The following OSBP2 variants were observed in gnomAD, a reference collection of about 807,000 sequenced individuals.
OSBP2 encodes oxysterol-binding protein 2.
A neutral mutation model predicts 96.0 loss-of-function variants in OSBP2; 66 were observed. The ratio of observed to expected loss-of-function variants is 0.69; its 90% CI spans 0.56 to 0.84. The LOEUF is 0.84. Ranked by LOEUF, OSBP2 falls within the 40% of genes least tolerant of loss-of-function variation. OSBP2 has a pLI of 0.00. For missense variants in OSBP2, 1,038 were observed against 1,222.7 expected (o/e 0.85, Z 2.25); for synonymous variants, 525 against 520.9 (o/e 1.01, Z -0.11).
At position 30,726,963 on chromosome 22, in the gene OSBP2, T is replaced by C. The variant is rs1487684103; in HGVS notation, c.645-14198T>C. On this transcript the variant is annotated intron_variant, in intron 1 of 13. Transcript: ENST00000332585. ...AGTGGCACCATCTGACTAACTTTAA[T>C]GGCTTTTGAGAGTATAAGTGAACCT... Among the ~76,000 whole-genome samples the C allele has an allele frequency of 2.0e-5, 3 of 152,196 alleles. No homozygotes were observed. In the East Asian group the frequency reaches 5.8e-4, roughly 29 times the overall value.
rs548466221 is a variant in OSBP2, at chr22:30,751,354, TA to T, written c.853+9986del. On this transcript the variant is annotated intron_variant, in intron 2 of 13. Transcript: ENST00000332585. ...GTGTATATATATATGTATATATATATATTTTTTTCTTTTTTCTTGAGACGGA... is the reference window on the plus strand; with the variant it reads ...GTGTATATATATATGTATATATATATTTTTTTTCTTTTTTCTTGAGACGGA... 4.4e-4 allele frequency among the ~76,000 whole-genome samples: 67 copies of T among 151,666 alleles called. No individual in the cohort carries two copies. In the South Asian group the frequency reaches 0.012, roughly 27 times the overall value.
intron 1 of OSBP2, among the ~76,000 whole-genome samples, chr22:30,734,006 GCT>G (rs1448876635): frequency 1.3e-5 from 2 of 151,880 alleles, no homozygotes; most frequent in East Asian, 1.9e-4. Context: ...ACGGAGTTTA[GCT>G]CTGTCACCCA....
intron 7 of OSBP2, 96 bp downstream of exon 7, chr22:30,889,732 C>A: frequency 8.7e-7 from 1 of 1,148,662 alleles, no homozygotes; most frequent in Non-Finnish European, 1.3e-6. Context: ...TACACACAGC[C>A]TTGGAGTGTC....
At chr22:30,827,657 C>G (rs1251519029) in intron 2 of OSBP2, among the ~76,000 whole-genome samples, 1 of 152,172 alleles carries the variant, frequency 6.6e-6, no homozygotes, top group African/African-American at 2.4e-5. Context: ...TTCAAGGAGT[C>G]AACCTGTCAA....
chr22:30,772,793 ATTTT>A (rs136323), intron 2 of OSBP2, among the ~76,000 whole-genome samples: 9 of 139,342 alleles, frequency 6.5e-5, no homozygotes, highest in Non-Finnish European at 7.8e-5. Flanking sequence ...TGTTAAACGC[ATTTT>A]TTTTTTTTTT....
intron 2 of OSBP2, among the ~76,000 whole-genome samples, chr22:30,743,453 C>T (rs1302242917): frequency 6.6e-6 from 1 of 152,168 alleles, no homozygotes; most frequent in East Asian, 1.9e-4. Flanking sequence ...GACGGCGGTC[C>T]CCCGGGTACC....
At chr22:30,741,638 G>A (rs866061359) in intron 2 of OSBP2, among the ~76,000 whole-genome samples, 25 of 152,254 alleles carry the variant, frequency 1.6e-4, no homozygotes, top group African/African-American at 5.3e-4. Flanking sequence ...GACTTCAGCA[G>A]ACCCTTCAGA....
chr22:30,893,893 G>A lies in OSBP2; in HGVS notation c.2267G>A (p.Cys756Tyr). The A allele has an allele frequency of 6.3e-7, 1 of 1,586,040 alleles. No individual in the cohort carries two copies. Among genetic ancestry groups the A allele is most frequent in the Admixed American group, 1.8e-5 (1 of 54,766 alleles). Residue 756 changes from cysteine (C) to tyrosine (Y), a missense_variant, in exon 12 of 14, where the codon TGC (cysteine) becomes TAC (tyrosine). Physicochemically the swap from Cys to Tyr is radical, Grantham distance 194. Around this residue, in one of 3 missense-constraint regions of OSBP2, gnomAD observed 737 missense variants for 913.3 expected, o/e 0.81. Transcript: ENST00000332585. ...GGCTCGTGGGATGAACAAATGGAGTGCTCCAAGGTCATGCATAGCAGTCCC... is the reference window on the plus strand; with the variant it reads ...GGCTCGTGGGATGAACAAATGGAGTACTCCAAGGTCATGCATAGCAGTCCC... ...LSGSWDEQME[C>Y]SKVMHSSPSS...
In OSBP2 at chr22:30,870,734, G is replaced by A. The variant is rs1237647932; in HGVS notation, c.1107+52G>A. On this transcript the variant is annotated intron_variant, in intron 3 of 13. Transcript: ENST00000332585. The surrounding 1 kb of genome is among the most constrained non-coding windows in gnomAD (Gnocchi z 4.1). ...CACGGGGCTCCCTGGCTCCAGCCCC[G>A]GGGTCCCTCGGTGGGTGACCAGGGT... is the stretch of plus-strand genomic sequence containing the variant. The A allele has an allele frequency of 1.2e-5, 19 of 1,583,018 alleles. No individual in the cohort carries two copies. Among genetic ancestry groups the A allele is most frequent in the African/African-American group, 5.4e-5 (4 of 74,458 alleles).
At chr22:30,765,757 G>A (rs2145780536) in intron 2 of OSBP2, among the ~76,000 whole-genome samples, 1 of 152,250 alleles carries the variant, frequency 6.6e-6, no homozygotes, top group East Asian at 1.9e-4. Flanking sequence ...TGTTCATCAA[G>A]TGCATTGTAT....
At chr22:30,754,350 A>G (rs1162644600) in intron 2 of OSBP2, among the ~76,000 whole-genome samples, 1 of 152,232 alleles carries the variant, frequency 6.6e-6, no homozygotes, top group Non-Finnish European at 1.5e-5. Flanking sequence ...ACTAAAGTGC[A>G]TGCATATGTC....
rs892243504 is a variant in OSBP2 at position 30,835,885 on chromosome 22, ATT to A, written c.854-34534_854-34533del. On this transcript the variant is annotated intron_variant, in intron 2 of 13. Coordinates refer to ENST00000332585, the MANE Select transcript of OSBP2 (RefSeq NM_030758.4). The stretch of plus-strand genomic sequence containing the variant: ...GGCATGTGCCACCACACCTGGCTAA[ATT>A]TTTTTTTTTCCTGTAAAGGTGGGGT... Among the ~76,000 whole-genome samples the A allele has an allele frequency of 2.0e-5, 3 of 148,086 alleles. No individual in the cohort carries two copies. The East Asian group carries it at 5.9e-4, about 29-fold the overall frequency.
At chr22:30,845,345 C>A (rs2038846515) in intron 2 of OSBP2, among the ~76,000 whole-genome samples, 1 of 151,980 alleles carries the variant, frequency 6.6e-6, no homozygotes, top group Admixed American at 6.6e-5. Flanking sequence ...ATTGCTTGAT[C>A]CTGGGAGGCA....
At chr22:30,805,866 G>A (rs2090921768) in intron 2 of OSBP2, among the ~76,000 whole-genome samples, 1 of 152,218 alleles carries the variant, frequency 6.6e-6, no homozygotes, top group African/African-American at 2.4e-5. Flanking sequence ...GATGCCAAAG[G>A]CCGTGAGGAG....
chr22:30,872,609 G>A, intron 3 of OSBP2: 1 of 354,428 alleles, frequency 2.8e-6, no homozygotes, highest in Non-Finnish European at 5.6e-6. Context: ...CTGAGTGACG[G>A]AAGCTGTGCC....
At chr22:30,795,668 C>T (rs963084817) in intron 2 of OSBP2, among the ~76,000 whole-genome samples, 11 of 151,810 alleles carry the variant, frequency 7.2e-5, no homozygotes, top group South Asian at 2.1e-4. Flanking sequence ...TACAGGCATG[C>T]GCCACCACGC....
intron 2 of OSBP2, chr22:30,764,220 G>C: frequency 1.0e-6 from 1 of 984,906 alleles, no homozygotes; most frequent in Non-Finnish European, 1.2e-6. Context: ...CCCAGCACTT[G>C]GAATTATCCC....
At chr22:30,825,024 G>A (rs2146988335) in intron 2 of OSBP2, among the ~76,000 whole-genome samples, 1 of 152,292 alleles carries the variant, frequency 6.6e-6, no homozygotes, top group Middle Eastern at 3.4e-3. Context: ...GGGAAGCGTG[G>A]ATTGAAAGAG....
At position 30,741,265 on chromosome 22, in the gene OSBP2, G is replaced by A. The variant is rs766186671; in HGVS notation, c.749G>A (p.Arg250Lys). The A allele has an allele frequency of 9.3e-6, 15 of 1,613,922 alleles. No homozygotes were observed. Among genetic ancestry groups the A allele is most frequent in the Non-Finnish European group, 1.2e-5 (14 of 1,180,020 alleles). The change falls in exon 2 of 14, where the codon AGG becomes AAG. Residue 250 changes from arginine (R) to lysine (K), a missense_variant. By Grantham distance (26) the Arg-to-Lys change is conservative. Around this residue, in one of 3 missense-constraint regions of OSBP2, gnomAD observed 737 missense variants for 913.3 expected, o/e 0.81. Transcript: ENST00000332585. ...SCGILLTSGA[R>K]SYHLKASSEV... The stretch of plus-strand genomic sequence containing the variant: ...GGTATCTTGCTGACCAGTGGGGCCA[G>A]GAGCTACCACCTCAAGGCCAGCTCA...
Sources: gnomAD v4.1 joint callset for allele counts (sites outside exome capture counted in the v4.1 genomes callset) on GRCh38, gnomAD v4.1.1 for gene constraint, gnomAD v4.1.1 regional missense constraint, Gnocchi (gnomAD v3.1) non-coding constraint, MANE v1.5 for transcripts, NCBI Gene and HGNC (gene_info 2026-07-23, HGNC 2026-07-21) for gene names.